The following TMEM135 variants were observed in gnomAD, a reference collection of about 807,000 sequenced individuals.
TMEM135 encodes the protein peroxisomal membrane protein 52.
Under a neutral mutation model 60.3 loss-of-function variants are expected in TMEM135, and 30 were observed. The ratio of observed to expected loss-of-function variants is 0.50; its 90% CI spans 0.37 to 0.68. The LOEUF is 0.68. TMEM135 is among the 30% of genes least tolerant of loss of function. The pLI is 0.00. For synonymous variants in TMEM135, 190 were observed against 186.7 expected, an observed-to-expected ratio of 1.02 and a Z score of -0.14; for missense variants, 468 against 548.8, an observed-to-expected ratio of 0.85 and a Z score of 1.47.
chr11:87,099,308 A>G (rs1008045307), intron 4 of TMEM135, among the ~76,000 whole-genome samples: 1 of 152,166 alleles, frequency 6.6e-6, no homozygotes, highest in Admixed American at 6.5e-5. Flanking sequence ...AAAATACTGT[A>G]TTTAAAAAAA....
intron 5 of TMEM135, among the ~76,000 whole-genome samples, chr11:87,177,731 G>C (rs1939416265): frequency 6.6e-6 from 1 of 151,922 alleles, no homozygotes; most frequent in Non-Finnish European, 1.5e-5. Context: ...GACACTAACT[G>C]CCCATCAATT....
intron 6 of TMEM135, among the ~76,000 whole-genome samples, chr11:87,252,124 C>G (rs1941430232): frequency 6.6e-6 from 1 of 151,996 alleles, no homozygotes; most frequent in Admixed American, 6.6e-5. Context: ...TCTTTTCTTT[C>G]TTGTCCCCTT....
At chr11:87,221,883 T>A (rs571276300) in intron 5 of TMEM135, among the ~76,000 whole-genome samples, 76 of 152,296 alleles carry the variant, frequency 5.0e-4, no homozygotes, top group African/African-American at 1.7e-3. Context: ...TTTAAAAATA[T>A]TAAAATTTCA....
chr11:87,056,565 A>G (rs140702916), intron 1 of TMEM135, among the ~76,000 whole-genome samples: 1 of 152,218 alleles, frequency 6.6e-6, no homozygotes, highest in Non-Finnish European at 1.5e-5. Context: ...TTGACAGACT[A>G]ATTATTAGAC....
chr11:87,327,847 G>A lies in TMEM135; in HGVS notation c.*6514G>A. 4.4e-6 allele frequency: 2 copies of A among 454,064 alleles called. No homozygotes were observed. Among genetic ancestry groups the A allele is most frequent in the Non-Finnish European group, 8.8e-6 (2 of 226,782 alleles). The allele number at this position is 454,064 out of a possible 1,614,324, so 28.1% of individuals were successfully genotyped here. On this transcript the variant is annotated 3_prime_UTR_variant, in exon 15 of 15. Coordinates refer to ENST00000305494, the MANE Select transcript of TMEM135 (RefSeq NM_022918.4). The stretch of plus-strand genomic sequence containing the variant: ...GTCCTAATGTCCATGGGCAGTTGGA[G>A]AAGAGTGTATCCCTGCTGCAGGGGA...
intron 5 of TMEM135, among the ~76,000 whole-genome samples, chr11:87,188,210 C>T (rs76232090): frequency 0.052 from 7,919 of 152,040 alleles, 288 homozygotes; most frequent in African/African-American, 0.11. Flanking sequence ...TTTGTTCATA[C>T]GCCACCCCTC....
intron 5 of TMEM135, among the ~76,000 whole-genome samples, chr11:87,191,601 A>G (rs1206137914): frequency 1.3e-5 from 2 of 152,142 alleles, no homozygotes; most frequent in African/African-American, 2.4e-5. Context: ...AGATTCTACT[A>G]CCTTTGGAAG....
intron 6 of TMEM135, among the ~76,000 whole-genome samples, chr11:87,255,052 G>A (rs1941495834): frequency 6.6e-6 from 1 of 152,178 alleles, no homozygotes; most frequent in South Asian, 2.1e-4. Flanking sequence ...ATGATTTAAA[G>A]TGGGGCTTTT....
At chr11:87,180,815 A>T (rs918683286) in intron 5 of TMEM135, among the ~76,000 whole-genome samples, 1 of 152,230 alleles carries the variant, frequency 6.6e-6, no homozygotes, top group East Asian at 1.9e-4. Flanking sequence ...AAACAAAAAC[A>T]AATCCATTCT....
intron 4 of TMEM135, among the ~76,000 whole-genome samples, chr11:87,105,180 G>A (rs181438198): frequency 7.9e-5 from 12 of 152,086 alleles, no homozygotes; most frequent in Non-Finnish European, 1.3e-4. Context: ...TTCATCCTTC[G>A]TCCTGCTAAT....
At chr11:87,131,765 A>G (rs543054333) in intron 4 of TMEM135, among the ~76,000 whole-genome samples, 1 of 152,294 alleles carries the variant, frequency 6.6e-6, no homozygotes, top group South Asian at 2.1e-4. Flanking sequence ...GGTCCCCAGC[A>G]ATACTGGTCC....
At chr11:87,120,297 C>T (rs1246663587) in intron 4 of TMEM135, among the ~76,000 whole-genome samples, 2 of 151,066 alleles carry the variant, frequency 1.3e-5, no homozygotes, top group African/African-American at 4.9e-5. Flanking sequence ...GTAGAGATGG[C>T]ATCTCACTGT....
chr11:87,175,548 T>G (rs1939345944), intron 5 of TMEM135, among the ~76,000 whole-genome samples: 1 of 152,240 alleles, frequency 6.6e-6, no homozygotes, highest in African/African-American at 2.4e-5. Context: ...GTCACTCTGC[T>G]TTTGATTTAA....
At chr11:87,263,882 T>C (rs1338195046) in intron 6 of TMEM135, among the ~76,000 whole-genome samples, 4 of 152,012 alleles carry the variant, frequency 2.6e-5, no homozygotes, top group African/African-American at 9.7e-5. Flanking sequence ...GAAATTTATG[T>C]GAGGGACATG....
intron 1 of TMEM135, among the ~76,000 whole-genome samples, chr11:87,041,913 T>C (rs954219988): frequency 2.0e-5 from 3 of 152,212 alleles, no homozygotes; most frequent in African/African-American, 2.4e-5. Flanking sequence ...TACTTCTAGG[T>C]TGTCAAGTCA....
At chr11:87,075,302 G>A in intron 3 of TMEM135, among the ~76,000 whole-genome samples, 1 of 151,420 alleles carries the variant, frequency 6.6e-6, no homozygotes. Flanking sequence ...GGGACTATAG[G>A]TGCCCGCCAG....
At chr11:87,249,898 AT>A (rs1941375958) in intron 6 of TMEM135, among the ~76,000 whole-genome samples, 1 of 151,778 alleles carries the variant, frequency 6.6e-6, no homozygotes, top group South Asian at 2.1e-4. Flanking sequence ...ATTAGTTCTT[AT>A]AGTAAAATTC....
intron 5 of TMEM135, among the ~76,000 whole-genome samples, chr11:87,228,526 G>A (rs1215900081): frequency 6.6e-6 from 1 of 152,126 alleles, no homozygotes; most frequent in African/African-American, 2.4e-5. Flanking sequence ...ATTTATCTGA[G>A]TCATGGAAGG....
chr11:87,321,869 A>G lies in TMEM135; in HGVS notation c.*536A>G, dbSNP rs1395404246. 2 of 454,338 alleles carry G rather than the reference A, an allele frequency of 4.4e-6. No individual in the cohort carries two copies. The highest frequency in any genetic ancestry group is 8.8e-6 in the Non-Finnish European group (2 of 226,730). 28.1% of individuals were successfully genotyped at this position (454,338 alleles called of 1,614,324 possible). A position where few individuals can be genotyped will look rare whatever the true frequency, so the allele number is the denominator to read the frequency against. ...TGCTGCTTTCGTGTAGAGCAATTTA[A>G]TTGGAGAAGTGGCCATTCTTACTTC... On this transcript the variant is annotated 3_prime_UTR_variant, in exon 15 of 15. Coordinates refer to ENST00000305494, the MANE Select transcript of TMEM135 (RefSeq NM_022918.4).
Sources: allele counts gnomAD v4.1 joint callset (sites outside exome capture counted in the v4.1 genomes callset), GRCh38; gene constraint gnomAD v4.1.1; transcripts MANE v1.5; gene names NCBI Gene and HGNC (gene_info 2026-07-23, HGNC 2026-07-21).